The following CPNE8 variants were observed in gnomAD, a reference collection of about 807,000 sequenced individuals.
CPNE8 encodes copine 8, also known as copine-8.
In CPNE8, 45 loss-of-function variants were observed where a neutral mutation model predicts 81.5. That is an observed-to-expected ratio of 0.55 (90% confidence interval 0.44 to 0.71). The LOEUF (loss-of-function observed/expected upper bound fraction) is 0.71. Ranked by LOEUF, CPNE8 falls within the 30% of genes least tolerant of loss-of-function variation. The pLI is 0.00. For synonymous variants in CPNE8, 252 were observed against 226.3 expected, an observed-to-expected ratio of 1.11 and a Z score of -1.02; for missense variants, 594 against 672.1, an observed-to-expected ratio of 0.88 and a Z score of 1.28.
At chr12:38,658,948 C>T (rs1403728992) in intron 19 of CPNE8, among the ~76,000 whole-genome samples, 1 of 152,084 alleles carries the variant, frequency 6.6e-6, no homozygotes, top group African/African-American at 2.4e-5. Context: ...CAAAAACATG[C>T]CAAAGTGTAA....
chr12:38,884,543 T>C (rs1357698683), intron 1 of CPNE8, among the ~76,000 whole-genome samples: 1 of 152,192 alleles, frequency 6.6e-6, no homozygotes, highest in Admixed American at 6.5e-5. Flanking sequence ...TTCTCTGGGG[T>C]ACATACCTAA....
chr12:38,723,146 G>A (rs1393374231), intron 13 of CPNE8, among the ~76,000 whole-genome samples: 2 of 152,056 alleles, frequency 1.3e-5, no homozygotes, highest in Non-Finnish European at 2.9e-5. Context: ...GGGGATGCTT[G>A]GTAAGGTTAA....
chr12:38,807,210 C>G (rs1443650565), intron 6 of CPNE8, among the ~76,000 whole-genome samples: 3 of 149,878 alleles, frequency 2.0e-5, no homozygotes, highest in African/African-American at 4.9e-5. Flanking sequence ...CCATTCCCAT[C>G]AAGCTACCAA....
At chr12:38,817,611 ATTCTTT>A (rs1943046888) in intron 6 of CPNE8, among the ~76,000 whole-genome samples, 2 of 94,086 alleles carry the variant, frequency 2.1e-5, no homozygotes, top group Non-Finnish European at 4.6e-5. Flanking sequence ...ACATTAATTT[ATTCTTT>A]TTTTTTTTTT....
At chr12:38,799,614 C>G (rs1005505633) in intron 6 of CPNE8, among the ~76,000 whole-genome samples, 25 of 152,148 alleles carry the variant, frequency 1.6e-4, no homozygotes, top group East Asian at 5.8e-4. Context: ...AAAACTGACA[C>G]CCTAACATCA....
At chr12:38,692,998 C>A (rs765589958) in intron 15 of CPNE8, among the ~76,000 whole-genome samples, 4 of 152,134 alleles carry the variant, frequency 2.6e-5, no homozygotes, top group Non-Finnish European at 5.9e-5. Context: ...TACAGTGAGA[C>A]CACTATACAG....
chr12:38,793,056 A>G (rs973988276), intron 6 of CPNE8, among the ~76,000 whole-genome samples: 1 of 151,418 alleles, frequency 6.6e-6, no homozygotes, highest in Non-Finnish European at 1.5e-5. Context: ...TAAAAACTAG[A>G]AACAGAAGAA....
intron 8 of CPNE8, among the ~76,000 whole-genome samples, chr12:38,766,248 T>C (rs1941686411): frequency 1.3e-5 from 2 of 152,200 alleles, no homozygotes; most frequent in Non-Finnish European, 2.9e-5. Flanking sequence ...TTTACAATTG[T>C]ACAACTAATC....
At chr12:38,803,647 G>C (rs896795257) in intron 6 of CPNE8, among the ~76,000 whole-genome samples, 3 of 148,528 alleles carry the variant, frequency 2.0e-5, no homozygotes, top group African/African-American at 7.4e-5. Context: ...AGTGTTGGAA[G>C]TTCTGGCCAG....
At chr12:38,737,608 C>T (rs1940984681) in intron 10 of CPNE8, among the ~76,000 whole-genome samples, 1 of 152,042 alleles carries the variant, frequency 6.6e-6, no homozygotes, top group South Asian at 2.1e-4. Flanking sequence ...ATAATCATCT[C>T]TCTAGATTTG....
At chr12:38,723,867 T>TGGGGTCACAAACAACTAGAA in intron 12 of CPNE8, 34 bp from the exon 13 acceptor site, 2 of 1,258,606 alleles carry the variant, frequency 1.6e-6, no homozygotes, top group Non-Finnish European at 2.3e-6. Flanking sequence ...ACCTTCTAGT[T>TGGGGTCACAAACAACTAGAA]GTTTGTGACC....
In CPNE8 at chr12:38,723,950, T is replaced by C. The variant is rs1940634546; in HGVS notation, c.853-117A>G. The C allele has an allele frequency of 1.4e-5, 9 of 652,540 alleles. No individual in the cohort carries two copies. In the South Asian group the frequency reaches 1.8e-4, roughly 13 times the overall value. 40.4% of individuals were successfully genotyped at this position (652,540 alleles called of 1,614,324 possible). The stretch of plus-strand genomic sequence containing the variant: ...ATTTTGAAACTCACTAAAGATATTA[T>C]TTTTTATTAACATCTGCTAGGACTG... On this transcript the variant is annotated intron_variant, in intron 12 of 19. Coordinates refer to ENST00000331366, the MANE Select transcript of CPNE8 (RefSeq NM_153634.3).
At chr12:38,902,453 A>G (rs1429520764) in intron 1 of CPNE8, among the ~76,000 whole-genome samples, 1 of 152,120 alleles carries the variant, frequency 6.6e-6, no homozygotes, top group Non-Finnish European at 1.5e-5. Flanking sequence ...AGAGAAAGAA[A>G]GATAAAGAAT....
intron 16 of CPNE8, chr12:38,679,445 T>A: frequency 2.7e-6 from 1 of 372,406 alleles, no homozygotes; most frequent in Non-Finnish European, 3.7e-6. Flanking sequence ...TTTTATACTT[T>A]ATGATAAATA....
At chr12:38,727,967 T>C (rs1277942796) in intron 11 of CPNE8, among the ~76,000 whole-genome samples, 3 of 152,174 alleles carry the variant, frequency 2.0e-5, no homozygotes, top group African/African-American at 7.2e-5. Context: ...CAAATCTCTG[T>C]CAAAATATCT....
chr12:38,748,394 A>G (rs1013732881), intron 10 of CPNE8, among the ~76,000 whole-genome samples: 20 of 152,222 alleles, frequency 1.3e-4, no homozygotes, highest in Admixed American at 1.3e-3. Flanking sequence ...TCTATCATAA[A>G]TAACTGAGTT....
At chr12:38,685,151 T>C (rs1939505068) in intron 16 of CPNE8, among the ~76,000 whole-genome samples, 1 of 152,230 alleles carries the variant, frequency 6.6e-6, no homozygotes, top group Non-Finnish European at 1.5e-5. Context: ...TGGAATGTGA[T>C]ATTAGATAAG....
At chr12:38,836,991 T>C (rs1474354238) in intron 5 of CPNE8, among the ~76,000 whole-genome samples, 1 of 152,142 alleles carries the variant, frequency 6.6e-6, no homozygotes, top group Non-Finnish European at 1.5e-5. Flanking sequence ...CAGGCACTTA[T>C]TAACTAATCT....
chr12:38,894,358 C>A (rs560172459), intron 1 of CPNE8, among the ~76,000 whole-genome samples: 2 of 152,154 alleles, frequency 1.3e-5, no homozygotes, highest in African/African-American at 4.8e-5. Context: ...TTTTAATTTA[C>A]TAATTTAAAT....
Sources: gnomAD v4.1 joint callset for allele counts (sites outside exome capture counted in the v4.1 genomes callset) on GRCh38, gnomAD v4.1.1 for gene constraint, MANE v1.5 for transcripts, NCBI Gene and HGNC (gene_info 2026-07-23, HGNC 2026-07-21) for gene names.